The following KLHL1 variants were observed in gnomAD, a reference collection of about 807,000 sequenced individuals.
The protein encoded by KLHL1 is kelch-like protein 1.
Under a neutral mutation model 77.7 loss-of-function variants are expected in KLHL1, and 47 were observed. That is an observed-to-expected ratio of 0.60 (90% CI 0.48 to 0.77). The LOEUF (loss-of-function observed/expected upper bound fraction) is 0.77, where lower values mean the gene tolerates loss of function less well. KLHL1 is among the 30% of genes least tolerant of loss of function. The pLI, the probability that KLHL1 is intolerant of heterozygous loss-of-function variation, is 0.00. For missense variants in KLHL1, 925 were observed against 910.8 expected (o/e 1.02, Z -0.20); for synonymous variants, 360 against 325.2 (o/e 1.11, Z -1.15).
At chr13:69,779,750 T>G (rs925177713) in intron 7 of KLHL1, among the ~76,000 whole-genome samples, 2 of 152,022 alleles carry the variant, frequency 1.3e-5, no homozygotes, top group Non-Finnish European at 2.9e-5. Flanking sequence ...ATGGTAAAGT[T>G]ATCTGCTCCA....
chr13:70,080,214 C>T (rs1197189191), intron 1 of KLHL1, among the ~76,000 whole-genome samples: 1 of 152,050 alleles, frequency 6.6e-6, no homozygotes, highest in Non-Finnish European at 1.5e-5. Flanking sequence ...CTGATTGGAC[C>T]AGGGAACGAA....
intron 8 of KLHL1, among the ~76,000 whole-genome samples, chr13:69,733,054 T>C (rs1239801310): frequency 6.6e-6 from 1 of 152,184 alleles, no homozygotes; most frequent in African/African-American, 2.4e-5. Flanking sequence ...GGTTAACTAG[T>C]AAGTTTTTTT....
intron 1 of KLHL1, among the ~76,000 whole-genome samples, chr13:70,051,170 T>G (rs1342842736): frequency 6.6e-6 from 1 of 151,976 alleles, no homozygotes; most frequent in East Asian, 1.9e-4. Flanking sequence ...CACACAAAAT[T>G]TGGAGGACTT....
chr13:70,025,754 G>A lies in KLHL1; in HGVS notation c.498-49952C>T, dbSNP rs143261080. Reference sequence around the variant, plus strand: ...ATGCATGTTTTAAAAATATGTACAGGCATATATATTTTTATACTTGTTCAA... The same window carrying A: ...ATGCATGTTTTAAAAATATGTACAGACATATATATTTTTATACTTGTTCAA... On this transcript the variant is annotated intron_variant, in intron 1 of 10. Transcript: ENST00000377844. 5.9e-3 allele frequency among the ~76,000 whole-genome samples: 898 copies of A among 151,650 alleles called. 14 individuals are homozygous for A. The highest frequency in any genetic ancestry group is 0.021 in the African/African-American group (849 of 41,382).
intron 7 of KLHL1, among the ~76,000 whole-genome samples, chr13:69,775,620 C>T (rs979794805): frequency 6.6e-6 from 1 of 151,922 alleles, no homozygotes. Flanking sequence ...AAAATATTAT[C>T]TTTTGTTTTA....
chr13:69,789,485 T>C (rs1038103769), intron 7 of KLHL1, among the ~76,000 whole-genome samples: 4 of 152,160 alleles, frequency 2.6e-5, no homozygotes, highest in African/African-American at 9.7e-5. Context: ...GGAAATTTAG[T>C]TGACTACTTT....
At chr13:69,704,857 G>T (rs1459923999) in intron 10 of KLHL1, among the ~76,000 whole-genome samples, 1 of 151,662 alleles carries the variant, frequency 6.6e-6, no homozygotes, top group African/African-American at 2.4e-5. Flanking sequence ...GCTGAATGTA[G>T]ATATTTCACC....
At chr13:69,722,614 C>G (rs892425457) in intron 8 of KLHL1, among the ~76,000 whole-genome samples, 3 of 151,816 alleles carry the variant, frequency 2.0e-5, no homozygotes, top group Admixed American at 6.6e-5. Context: ...TCGCCTCACT[C>G]CAGTTGCAAA....
chr13:69,712,209 T>C (rs1875907951), intron 9 of KLHL1, among the ~76,000 whole-genome samples: 1 of 152,130 alleles, frequency 6.6e-6, no homozygotes, highest in Non-Finnish European at 1.5e-5. Flanking sequence ...TGTCATATTT[T>C]CTTTATAGAT....
chr13:70,091,724 A>T (rs930098861), intron 1 of KLHL1, among the ~76,000 whole-genome samples: 1 of 152,162 alleles, frequency 6.6e-6, no homozygotes. Context: ...CACCAGTTCC[A>T]GGAGACTGCT....
chr13:69,915,665 T>C (rs1882405262), intron 4 of KLHL1, among the ~76,000 whole-genome samples: 1 of 152,004 alleles, frequency 6.6e-6, no homozygotes, highest in South Asian at 2.1e-4. Flanking sequence ...GGCAATACCA[T>C]TCAGGACATA....
At chr13:70,086,609 AGAAAGAAAGAAAG>A (rs1887548756) in intron 1 of KLHL1, among the ~76,000 whole-genome samples, 2 of 95,914 alleles carry the variant, frequency 2.1e-5, no homozygotes, top group Non-Finnish European at 4.6e-5. Flanking sequence ...AAAGAAAGAA[AGAAAGAAAGAAAG>A]AAAGAAAGAA....
At chr13:70,106,922 T>G (rs538830450) in intron 1 of KLHL1, among the ~76,000 whole-genome samples, 1 of 152,188 alleles carries the variant, frequency 6.6e-6, no homozygotes, top group Admixed American at 6.5e-5. Context: ...CTCAGGAATA[T>G]GAGAACTATT....
chr13:69,953,439 T>TTA (rs770631524), intron 3 of KLHL1, among the ~76,000 whole-genome samples: 22 of 151,166 alleles, frequency 1.5e-4, no homozygotes, highest in Non-Finnish European at 3.3e-4. Context: ...TGAATAACTC[T>TTA]AGATCTAGTA....
At chr13:69,915,707 C>A (rs907553569) in intron 4 of KLHL1, among the ~76,000 whole-genome samples, 3 of 151,938 alleles carry the variant, frequency 2.0e-5, no homozygotes, top group South Asian at 2.1e-4. Context: ...TCTAAAACAC[C>A]AAAAGCAATG....
At chr13:69,769,819 C>T (rs982471873) in intron 7 of KLHL1, among the ~76,000 whole-genome samples, 6 of 152,062 alleles carry the variant, frequency 3.9e-5, no homozygotes, top group East Asian at 2.0e-4. Context: ...CCGGTATTCA[C>T]GTACCCTCAT....
intron 6 of KLHL1, among the ~76,000 whole-genome samples, chr13:69,828,683 G>A (rs868691322): frequency 6.7e-6 from 1 of 150,176 alleles, no homozygotes; most frequent in Non-Finnish European, 1.5e-5. Context: ...CTGCTTATCA[G>A]CTGCCTGGAT....
chr13:69,813,959 A>G (rs1878011376), intron 6 of KLHL1, among the ~76,000 whole-genome samples: 1 of 152,182 alleles, frequency 6.6e-6, no homozygotes, highest in Non-Finnish European at 1.5e-5. Context: ...AGCAAAAAGA[A>G]TAAAGTTGGA....
intron 8 of KLHL1, among the ~76,000 whole-genome samples, chr13:69,732,979 C>G (rs1413197891): frequency 6.6e-6 from 1 of 151,972 alleles, no homozygotes; most frequent in African/African-American, 2.4e-5. Flanking sequence ...TTCTCCACCC[C>G]CAGGAGAGGT....
Sources: gnomAD v4.1 joint callset for allele counts (sites outside exome capture counted in the v4.1 genomes callset) on GRCh38, gnomAD v4.1.1 for gene constraint, MANE v1.5 for transcripts, NCBI Gene and HGNC (gene_info 2026-07-23, HGNC 2026-07-21) for gene names.